SH3D19: variants seen among roughly 807,000 people sequenced by gnomAD.
The protein encoded by SH3D19 is SH3 domain containing 19, also known as SH3 domain-containing protein 19.
SH3D19 carries 58 observed loss-of-function variants against 112.1 expected under a neutral mutation model. That is an observed-to-expected ratio of 0.52 (90% CI 0.42 to 0.64). SH3D19 has a LOEUF of 0.64. SH3D19 is among the 30% of genes least tolerant of loss of function. The pLI, the probability that SH3D19 is intolerant of heterozygous loss-of-function variation, is 0.00. For synonymous variants in SH3D19, 391 were observed against 448.5 expected, an observed-to-expected ratio of 0.87 and a Z score of 1.62; for missense variants, 1,090 against 1,263.4, an observed-to-expected ratio of 0.86 and a Z score of 2.08.
intron 1 of SH3D19, among the ~76,000 whole-genome samples, chr4:151,321,809 G>A (rs1052665814): frequency 1.3e-5 from 2 of 152,206 alleles, no homozygotes; most frequent in African/African-American, 2.4e-5. Context: ...GATACTGAGC[G>A]TGTACAAGGC....
At chr4:151,260,026 GT>G (rs1226152764) in intron 1 of SH3D19, among the ~76,000 whole-genome samples, 8 of 151,776 alleles carry the variant, frequency 5.3e-5, no homozygotes, top group Non-Finnish European at 1.0e-4. Context: ...ATCCATCTTT[GT>G]TTTTTTCCTT....
intron 2 of SH3D19, among the ~76,000 whole-genome samples, chr4:151,198,433 TAA>T (rs1388411989): frequency 1.4e-5 from 2 of 141,368 alleles, no homozygotes; most frequent in Non-Finnish European, 3.0e-5. Context: ...ATATATTATA[TAA>T]AATATATATA....
chr4:151,153,748 C>T (rs554240033), intron 9 of SH3D19, among the ~76,000 whole-genome samples: 2 of 152,194 alleles, frequency 1.3e-5, no homozygotes, highest in South Asian at 4.1e-4. Context: ...TTATGGTATG[C>T]ATTTATTATA....
chr4:151,269,561 T>C (rs1773082238), intron 1 of SH3D19, among the ~76,000 whole-genome samples: 1 of 152,086 alleles, frequency 6.6e-6, no homozygotes, highest in Non-Finnish European at 1.5e-5. Flanking sequence ...TCTTCTAGGG[T>C]TTTTATGGTT....
chr4:151,190,481 C>T (rs773604572), intron 2 of SH3D19, among the ~76,000 whole-genome samples: 1 of 152,162 alleles, frequency 6.6e-6, no homozygotes, highest in African/African-American at 2.4e-5. Flanking sequence ...GGGTTAGGCC[C>T]AGGGTCCCTC....
At chr4:151,281,504 A>AAG (rs1774233346) in intron 1 of SH3D19, among the ~76,000 whole-genome samples, 1 of 152,124 alleles carries the variant, frequency 6.6e-6, no homozygotes, top group South Asian at 2.1e-4. Context: ...CTCAATCCTC[A>AAG]CCTTCCACAC....
chr4:151,282,187 G>A (rs752625173), intron 1 of SH3D19: 14 of 1,613,766 alleles, frequency 8.7e-6, no homozygotes, highest in Admixed American at 5.0e-5. Flanking sequence ...GGCTAGGATC[G>A]ATTACAGTAG....
At chr4:151,157,109 G>T (rs1756259026) in intron 9 of SH3D19, among the ~76,000 whole-genome samples, 2 of 152,080 alleles carry the variant, frequency 1.3e-5, no homozygotes, top group Non-Finnish European at 2.9e-5. Context: ...AAAATTAGCT[G>T]AGTGTGGTGG....
chr4:151,130,031 G>A (rs536070047), intron 17 of SH3D19, among the ~76,000 whole-genome samples: 5 of 152,276 alleles, frequency 3.3e-5, no homozygotes, highest in African/African-American at 1.2e-4. Flanking sequence ...TTTCCTTCCT[G>A]TTTCACTTTA....
intron 1 of SH3D19, among the ~76,000 whole-genome samples, chr4:151,305,645 C>T (rs1279165858): frequency 6.6e-6 from 1 of 152,064 alleles, no homozygotes; most frequent in Non-Finnish European, 1.5e-5. Context: ...TAAAAACAAA[C>T]AAATAAAAAC....
At chr4:151,280,058 C>A in intron 1 of SH3D19, 1 of 1,369,436 alleles carries the variant, frequency 7.3e-7, no homozygotes, top group Non-Finnish European at 1.0e-6. Context: ...GTAAAATAGG[C>A]AGGGCGGAAG....
chr4:151,310,580 CTTT>C (rs780496185), intron 1 of SH3D19, among the ~76,000 whole-genome samples: 2 of 142,130 alleles, frequency 1.4e-5, no homozygotes, highest in African/African-American at 2.6e-5. Context: ...CTCTCTCTCT[CTTT>C]TTTTTTTTTT....
intron 1 of SH3D19, among the ~76,000 whole-genome samples, chr4:151,316,591 C>T (rs904691849): frequency 2.0e-5 from 3 of 151,292 alleles, no homozygotes; most frequent in African/African-American, 7.3e-5. Context: ...TTATTTTTTT[C>T]TTAATTCATT....
At chr4:151,271,940 G>GTAA (rs1561418446) in intron 1 of SH3D19, among the ~76,000 whole-genome samples, 1 of 152,062 alleles carries the variant, frequency 6.6e-6, no homozygotes. Context: ...ATGGCATAGG[G>GTAA]TAATAATCTG....
chr4:151,199,958 A>G (rs552295081), intron 2 of SH3D19, among the ~76,000 whole-genome samples: 5 of 152,316 alleles, frequency 3.3e-5, no homozygotes, highest in African/African-American at 1.2e-4. Flanking sequence ...TGATTAGGTC[A>G]TAAGGGTAGA....
At chr4:151,282,201 A>G in intron 1 of SH3D19, 1 of 1,613,866 alleles carries the variant, frequency 6.2e-7, no homozygotes, top group Non-Finnish European at 8.5e-7. Flanking sequence ...ACAGTAGGTG[A>G]CTCAAGGAAA....
intron 1 of SH3D19, among the ~76,000 whole-genome samples, chr4:151,262,154 A>G (rs1772426175): frequency 6.6e-6 from 1 of 152,220 alleles, no homozygotes; most frequent in Admixed American, 6.5e-5. Flanking sequence ...CAGGGAGCTC[A>G]GCCTTTAGGT....
intron 9 of SH3D19, among the ~76,000 whole-genome samples, chr4:151,154,260 G>A (rs891451529): frequency 5.3e-5 from 8 of 151,900 alleles, no homozygotes. Context: ...AGCCTCCCGA[G>A]TAGCTGGGAT....
intron 17 of SH3D19, among the ~76,000 whole-genome samples, chr4:151,130,263 G>A (rs1422485196): frequency 6.6e-6 from 1 of 151,982 alleles, no homozygotes; most frequent in Non-Finnish European, 1.5e-5. Flanking sequence ...GCAACAAAAT[G>A]AGACCCTGTC....
Sources: allele counts gnomAD v4.1 joint callset (sites outside exome capture counted in the v4.1 genomes callset), GRCh38; gene constraint gnomAD v4.1.1; transcripts MANE v1.5; gene names NCBI Gene and HGNC (gene_info 2026-07-23, HGNC 2026-07-21).